TMEM132B: variants seen among roughly 807,000 people sequenced by gnomAD.
TMEM132B encodes transmembrane protein 132B.
Under a neutral mutation model 90.8 loss-of-function variants are expected in TMEM132B, and 18 were observed. That is an observed-to-expected ratio of 0.20 (90% confidence interval 0.14 to 0.29). The LOEUF is 0.29. Ranked by LOEUF, TMEM132B falls within the 10% of genes least tolerant of loss-of-function variation. The pLI is 1.00. For synonymous variants in TMEM132B, 504 were observed against 523.3 expected, an observed-to-expected ratio of 0.96 and a Z score of 0.50; for missense variants, 1,096 against 1,326.8, an observed-to-expected ratio of 0.83 and a Z score of 2.70.
At chr12:125,312,030 G>A (rs534093837) in intron 1 of TMEM132B, among the ~76,000 whole-genome samples, 1 of 152,322 alleles carries the variant, frequency 6.6e-6, no homozygotes, top group Non-Finnish European at 1.5e-5. Context: ...GGGGACTGTG[G>A]CAAAGTGGAA....
At chr12:125,649,510 G>C (rs889857869) in intron 6 of TMEM132B, among the ~76,000 whole-genome samples, 2 of 152,220 alleles carry the variant, frequency 1.3e-5, no homozygotes, top group Non-Finnish European at 1.5e-5. Flanking sequence ...TCATTGGTAA[G>C]ATCAGGGAAA....
chr12:125,632,481 G>A (rs1400774531), intron 5 of TMEM132B, among the ~76,000 whole-genome samples: 1 of 152,004 alleles, frequency 6.6e-6, no homozygotes, highest in Non-Finnish European at 1.5e-5. Flanking sequence ...ACTATTACTA[G>A]TGAGTTTTGC....
At chr12:125,626,395 A>G (rs1284119491) in intron 5 of TMEM132B, among the ~76,000 whole-genome samples, 1 of 152,198 alleles carries the variant, frequency 6.6e-6, no homozygotes, top group Non-Finnish European at 1.5e-5. Flanking sequence ...TCCTTTGGGA[A>G]TATACCTAGC....
chr12:125,549,876 T>C (rs1884177422), intron 4 of TMEM132B, among the ~76,000 whole-genome samples: 1 of 152,194 alleles, frequency 6.6e-6, no homozygotes. Flanking sequence ...TGCACACAGA[T>C]GCCCTTGAAC....
intron 3 of TMEM132B, among the ~76,000 whole-genome samples, chr12:125,519,210 C>T (rs1883242105): frequency 6.6e-6 from 1 of 152,180 alleles, no homozygotes; most frequent in Admixed American, 6.5e-5. Flanking sequence ...TGAAAGACAG[C>T]CTGCTTTCTG....
Position 125,654,669 on chromosome 12 carries a change from G to A in TMEM132B, c.3211G>A (p.Asp1071Asn). The A allele has an allele frequency of 6.2e-7, 1 of 1,614,126 alleles. No individual in the cohort carries two copies. The highest frequency in any genetic ancestry group is 8.5e-7 in the Non-Finnish European group (1 of 1,180,006). The change falls in exon 9 of 9, where the codon GAC becomes AAC. Residue 1071 changes from aspartate (D) to asparagine (N), a missense_variant. Physicochemically the swap from Asp to Asn is conservative, Grantham distance 23. Coordinates refer to ENST00000682704, the MANE Select transcript of TMEM132B (RefSeq NM_001366854.1). This position sits in a 1 kb window ranked among gnomAD's most constrained non-coding sequence, Gnocchi z 5.8. ...AGATATGGGGCTGGGGGATTCACAG[G>A]ACTTTAGAGACTATATGGAAAGTCT... ...CQDMGLGDSQ[D>N]FRDYMESLQD...
At chr12:125,389,845 A>G (rs1361130497) in intron 2 of TMEM132B, among the ~76,000 whole-genome samples, 1 of 152,236 alleles carries the variant, frequency 6.6e-6, no homozygotes, top group African/African-American at 2.4e-5. Context: ...GGTACCTTGC[A>G]TATAATAGGT....
At chr12:125,644,691 T>C (rs1405092312) in intron 6 of TMEM132B, among the ~76,000 whole-genome samples, 1 of 152,108 alleles carries the variant, frequency 6.6e-6, no homozygotes, top group Non-Finnish European at 1.5e-5. Context: ...CACAGTACAG[T>C]GGTTAAGACC....
intron 3 of TMEM132B, among the ~76,000 whole-genome samples, chr12:125,447,169 T>G (rs7312043): frequency 0.062 from 9,439 of 152,258 alleles, 918 homozygotes; most frequent in African/African-American, 0.21. Flanking sequence ...GTCTGTTAAT[T>G]GGCATATGTT....
At chr12:125,574,762 G>T (rs193077470) in intron 4 of TMEM132B, among the ~76,000 whole-genome samples, 1 of 151,886 alleles carries the variant, frequency 6.6e-6, no homozygotes, top group Admixed American at 6.6e-5. Context: ...TTTATATTCT[G>T]CCAAATTTTT....
At chr12:125,260,063 T>G (rs1874526381) in intron 1 of TMEM132B, among the ~76,000 whole-genome samples, 1 of 152,224 alleles carries the variant, frequency 6.6e-6, no homozygotes, top group Non-Finnish European at 1.5e-5. Context: ...TAGAAACCAC[T>G]GGTATCCACA....
In TMEM132B at chr12:125,458,218, G is replaced by C. The variant is rs1365177936; in HGVS notation, c.1106+42541G>C. ...CCCTGAGGCCAAAAACAAGGGCCTT[G>C]GACAAGGCCCTTGTCCAAGGACAAG... On this transcript the variant is annotated intron_variant, in intron 3 of 8. Transcript: ENST00000682704. This position sits in a 1 kb window ranked among gnomAD's most constrained non-coding sequence, Gnocchi z 4.9. Among the ~76,000 whole-genome samples the C allele has an allele frequency of 6.8e-6, 1 of 148,072 alleles. No individual in the cohort carries two copies. Among genetic ancestry groups the C allele is most frequent in the Non-Finnish European group, 1.5e-5 (1 of 65,604 alleles).
At chr12:125,426,324 C>T (rs796163622) in intron 3 of TMEM132B, among the ~76,000 whole-genome samples, 2 of 152,004 alleles carry the variant, frequency 1.3e-5, no homozygotes, top group Admixed American at 1.3e-4. Flanking sequence ...TGTTTTGCAA[C>T]TATTTTTATT....
chr12:125,443,881 C>T (rs1439082179), intron 3 of TMEM132B, among the ~76,000 whole-genome samples: 6 of 151,522 alleles, frequency 4.0e-5, no homozygotes, highest in Non-Finnish European at 8.8e-5. Flanking sequence ...AGAAAGCAGT[C>T]GTGCACCGTG....
intron 2 of TMEM132B, among the ~76,000 whole-genome samples, chr12:125,388,017 C>T (rs1878893823): frequency 6.6e-6 from 1 of 152,158 alleles, no homozygotes; most frequent in Non-Finnish European, 1.5e-5. Flanking sequence ...TTCTGAAAGG[C>T]TGGTAGTGTG....
intron 5 of TMEM132B, among the ~76,000 whole-genome samples, chr12:125,630,523 T>C (rs774492099): frequency 1.3e-5 from 2 of 152,118 alleles, no homozygotes; most frequent in Non-Finnish European, 2.9e-5. Flanking sequence ...TTGGATCTTA[T>C]CTCTTTTTTT....
intron 4 of TMEM132B, among the ~76,000 whole-genome samples, chr12:125,578,273 T>C (rs1884979650): frequency 6.6e-6 from 1 of 152,130 alleles, no homozygotes; most frequent in Admixed American, 6.6e-5. Flanking sequence ...CTCATGTATT[T>C]TGGGGATTTG....
intron 4 of TMEM132B, among the ~76,000 whole-genome samples, chr12:125,538,277 C>T (rs1883863993): frequency 6.6e-6 from 1 of 152,204 alleles, no homozygotes; most frequent in Admixed American, 6.5e-5. Context: ...TAAGAATTCA[C>T]ATCTCCCAAG....
chr12:125,654,942 A>C lies in TMEM132B; in HGVS notation c.*232A>C, dbSNP rs1887024547. 3.9e-6 allele frequency: 2 copies of C among 513,220 alleles called. No homozygotes were observed. The highest frequency in any genetic ancestry group is 3.4e-6 in the Non-Finnish European group (1 of 290,246). The allele number at this position is 513,220 out of a possible 1,614,324, so 31.8% of individuals were successfully genotyped here. ...GGGACTGGAGAAATTCTAAGACAAC[A>C]GTTTTATGGACTGCCTGGTACGAGC... On this transcript the variant is annotated 3_prime_UTR_variant, in exon 9 of 9. Transcript: ENST00000682704. The surrounding 1 kb of genome is among the most constrained non-coding windows in gnomAD (Gnocchi z 5.8).
Sources: allele counts gnomAD v4.1 joint callset (sites outside exome capture counted in the v4.1 genomes callset), GRCh38; gene constraint gnomAD v4.1.1; non-coding constraint Gnocchi (gnomAD v3.1); transcripts MANE v1.5; gene names NCBI Gene and HGNC (gene_info 2026-07-23, HGNC 2026-07-21).